SOX5: variants seen among roughly 807,000 people sequenced by gnomAD.
The protein encoded by SOX5 is transcription factor SOX-5.
A neutral mutation model predicts 92.0 loss-of-function variants in SOX5; 9 were observed. The ratio of observed to expected loss-of-function variants is 0.10; its 90% CI spans 0.06 to 0.17. The LOEUF (loss-of-function observed/expected upper bound fraction) is 0.17, where lower values mean the gene tolerates loss of function less well. Ranked by LOEUF, SOX5 falls within the 10% of genes least tolerant of loss-of-function variation. The pLI, the probability that SOX5 is intolerant of heterozygous loss-of-function variation, is 1.00. For synonymous variants in SOX5, 344 were observed against 336.3 expected (o/e 1.02, Z -0.25); for missense variants, 642 against 944.5 (o/e 0.68, Z 4.20).
At chr12:24,011,960 T>C (rs959238106) in intron 4 of SOX5, among the ~76,000 whole-genome samples, 3 of 152,212 alleles carry the variant, frequency 2.0e-5, no homozygotes, top group African/African-American at 7.2e-5. Context: ...AGATATCTGA[T>C]GTTAGAATCA....
chr12:24,321,532 G>T (rs1412897573), intron 2 of SOX5, among the ~76,000 whole-genome samples: 1 of 151,970 alleles, frequency 6.6e-6, no homozygotes, highest in Non-Finnish European at 1.5e-5. Context: ...GAAAATAAAC[G>T]TCTAGATATT....
chr12:24,451,761 C>T (rs1393747702), intron 1 of SOX5, among the ~76,000 whole-genome samples: 2 of 152,202 alleles, frequency 1.3e-5, no homozygotes, highest in East Asian at 1.9e-4. Flanking sequence ...TGGGCCTCCA[C>T]TTTCCCATGT....
chr12:24,097,089 G>A (rs1389019180), intron 4 of SOX5, among the ~76,000 whole-genome samples: 1 of 152,120 alleles, frequency 6.6e-6, no homozygotes, highest in Non-Finnish European at 1.5e-5. Context: ...CTAGTCAGTT[G>A]AAGTTGTATC....
chr12:23,657,967 G>A (rs746650381), intron 7 of SOX5, among the ~76,000 whole-genome samples: 40 of 152,280 alleles, frequency 2.6e-4, no homozygotes, highest in Non-Finnish European at 3.8e-4. Flanking sequence ...TAAAATCTGA[G>A]AAATTTATCA....
intron 3 of SOX5, among the ~76,000 whole-genome samples, chr12:23,792,768 A>C (rs1301816449): frequency 6.6e-6 from 1 of 151,198 alleles, no homozygotes; most frequent in African/African-American, 2.4e-5. Flanking sequence ...CTTTGACCTC[A>C]TCATCTGTTG....
intron 2 of SOX5, among the ~76,000 whole-genome samples, chr12:24,288,949 T>C (rs1471029887): frequency 8.7e-6 from 1 of 115,370 alleles, no homozygotes; most frequent in Non-Finnish European, 1.9e-5. Flanking sequence ...GGAGGTATCT[T>C]TCTTGCTTAG....
chr12:23,787,480 TG>T (rs1159414631), intron 3 of SOX5, among the ~76,000 whole-genome samples: 5 of 152,034 alleles, frequency 3.3e-5, no homozygotes, highest in African/African-American at 1.2e-4. Context: ...TCCATATCAT[TG>T]GTTAAAAGAA....
intron 7 of SOX5, among the ~76,000 whole-genome samples, chr12:23,662,138 T>G (rs1403661850): frequency 2.0e-5 from 3 of 151,800 alleles, no homozygotes; most frequent in African/African-American, 7.3e-5. Flanking sequence ...ACACATTATA[T>G]ATATACACAC....
chr12:24,319,070 C>A (rs960503511), intron 2 of SOX5, among the ~76,000 whole-genome samples: 1 of 152,220 alleles, frequency 6.6e-6, no homozygotes. Context: ...TTGTCTTCTA[C>A]CACTCCTGAG....
intron 2 of SOX5, among the ~76,000 whole-genome samples, chr12:23,846,975 G>C (rs569220050): frequency 6.6e-6 from 1 of 151,998 alleles, no homozygotes; most frequent in African/African-American, 2.4e-5. Flanking sequence ...TTATTGTATG[G>C]TTCTAAAATG....
chr12:23,952,378 G>T (rs1945769599), upstream of SOX5, among the ~76,000 whole-genome samples: 1 of 152,144 alleles, frequency 6.6e-6, no homozygotes. Context: ...AATCTAGAAG[G>T]TCACCAGAGC....
At position 23,818,706 on chromosome 12, in the gene SOX5, TA is replaced by T. The variant is rs571118621; in HGVS notation, c.481+27276del. On this transcript the variant is annotated intron_variant, in intron 3 of 14. Transcript: ENST00000451604. ...TTTTGACTGCTATAATAACACAGGG[TA>T]AAACACACACATCATATAGCTATAC... Among the ~76,000 whole-genome samples, 575 of 152,314 alleles carry T rather than the reference TA, an allele frequency of 3.8e-3. 3 individuals carry two copies. Among genetic ancestry groups the T allele is most frequent in the Non-Finnish European group, 5.6e-3 (381 of 68,014 alleles).
At chr12:23,610,770 A>C (rs1328959119) in intron 8 of SOX5, among the ~76,000 whole-genome samples, 1 of 152,124 alleles carries the variant, frequency 6.6e-6, no homozygotes, top group Non-Finnish European at 1.5e-5. Context: ...CATAAGAACA[A>C]AGTAAATTAA....
intron 2 of SOX5, among the ~76,000 whole-genome samples, chr12:24,364,206 A>G (rs1208583677): frequency 1.3e-5 from 2 of 152,100 alleles, no homozygotes; most frequent in Non-Finnish European, 2.9e-5. Context: ...TTACTAATCT[A>G]TGCTTTGGGG....
At chr12:24,481,920 C>T (rs1346590736) in intron 1 of SOX5, among the ~76,000 whole-genome samples, 2 of 152,134 alleles carry the variant, frequency 1.3e-5, no homozygotes, top group Non-Finnish European at 2.9e-5. Flanking sequence ...CTTAAAACAT[C>T]CTTTGATGCA....
intron 1 of SOX5, among the ~76,000 whole-genome samples, chr12:24,465,056 A>G (rs1566232588): frequency 6.6e-6 from 1 of 152,198 alleles, no homozygotes; most frequent in African/African-American, 2.4e-5. Flanking sequence ...GATGTTATCT[A>G]CCATTGAGTA....
In SOX5 at chr12:23,533,198, A is replaced by AACTC. The variant is rs1481291855; in HGVS notation, c.*1017_*1020dup. The stretch of plus-strand genomic sequence containing the variant: ...GGATTTCATCCCCAGATGTGGGTTT[A>AACTC]ACTCACAATGGTCCAACGTTATTCC... On this transcript the variant is annotated 3_prime_UTR_variant, in exon 15 of 15. Coordinates refer to ENST00000451604, the MANE Select transcript of SOX5 (RefSeq NM_006940.6). The AACTC allele has an allele frequency of 2.6e-5, 12 of 456,376 alleles. No homozygotes were observed. The highest frequency in any genetic ancestry group is 4.4e-6 in the Non-Finnish European group (1 of 226,784). The allele number at this position is 456,376 out of a possible 1,614,324, so 28.3% of individuals were successfully genotyped here.
intron 2 of SOX5, among the ~76,000 whole-genome samples, chr12:23,872,619 C>T (rs570448494): frequency 2.0e-4 from 31 of 152,212 alleles, no homozygotes; most frequent in Admixed American, 1.9e-3. Context: ...TTTGTTTTCC[C>T]ATGATTTTCT....
At chr12:23,998,285 C>G (rs927911901) in intron 4 of SOX5, among the ~76,000 whole-genome samples, 2 of 151,852 alleles carry the variant, frequency 1.3e-5, no homozygotes, top group African/African-American at 4.8e-5. Flanking sequence ...TGAAAAAATA[C>G]AGTAACTGAA....
Sources: gnomAD v4.1 joint callset for allele counts (sites outside exome capture counted in the v4.1 genomes callset) on GRCh38, gnomAD v4.1.1 for gene constraint, MANE v1.5 for transcripts, NCBI Gene and HGNC (gene_info 2026-07-23, HGNC 2026-07-21) for gene names.